Variants in FUCA1 observed in about 807,000 individuals in gnomAD.
The protein encoded by FUCA1 is tissue alpha-L-fucosidase.
A neutral mutation model predicts 56.8 loss-of-function variants in FUCA1; 52 were observed. The observed-to-expected ratio is 0.92, with a 90% CI of 0.73 to 1.15. The LOEUF (loss-of-function observed/expected upper bound fraction) is 1.15, where lower values mean the gene tolerates loss of function less well. FUCA1 is among the 50% of genes most tolerant of loss of function. FUCA1 has a pLI of 0.00. For missense variants in FUCA1, 568 were observed against 592.6 expected, an observed-to-expected ratio of 0.96 and a Z score of 0.43; for synonymous variants, 230 against 226.6, an observed-to-expected ratio of 1.02 and a Z score of -0.14.
At chr1:23,862,063 G>GATCCCCAC (rs1639521127) in intron 3 of FUCA1, among the ~76,000 whole-genome samples, 3 of 152,190 alleles carry the variant, frequency 2.0e-5, no homozygotes, top group Non-Finnish European at 4.4e-5. Flanking sequence ...ATAAAAGAGT[G>GATCCCCAC]GGGATCTAAG....
chr1:23,860,327 T>C (rs1037107794), intron 3 of FUCA1, among the ~76,000 whole-genome samples: 2 of 152,128 alleles, frequency 1.3e-5, no homozygotes, highest in African/African-American at 4.8e-5. Flanking sequence ...CTCACACCTG[T>C]AATCCTAGCA....
chr1:23,855,806 G>A (rs1476576417), intron 4 of FUCA1, among the ~76,000 whole-genome samples: 1 of 152,088 alleles, frequency 6.6e-6, no homozygotes, highest in Non-Finnish European at 1.5e-5. Context: ...GAGAAAAATG[G>A]GGTATTAACA....
chr1:23,856,780 AAG>A (rs1639399606), intron 4 of FUCA1, among the ~76,000 whole-genome samples: 1 of 152,134 alleles, frequency 6.6e-6, no homozygotes, highest in South Asian at 2.1e-4. Flanking sequence ...TCACAAGGTC[AAG>A]AGTTTCAAGA....
intron 4 of FUCA1, among the ~76,000 whole-genome samples, chr1:23,858,997 G>C (rs1432973397): frequency 2.0e-5 from 3 of 151,860 alleles, no homozygotes; most frequent in Non-Finnish European, 4.4e-5. Context: ...GCCCAGGCTG[G>C]TCTTGAACTC....
At chr1:23,851,653 C>T (rs1395469650) in intron 5 of FUCA1, among the ~76,000 whole-genome samples, 2 of 152,204 alleles carry the variant, frequency 1.3e-5, no homozygotes, top group African/African-American at 4.8e-5. Context: ...ATCACTCTTA[C>T]ATAAAAAAGC....
In FUCA1 at chr1:23,852,526, G is replaced by C. The variant is rs907290884; in HGVS notation, c.969+1834C>G. On this transcript the variant is annotated intron_variant, in intron 5 of 7. Transcript: ENST00000374479. ...TTCCACGGTCTCCCACTGATGCCGA[G>C]CCGAAGCTGGACTGTACTGCTGCCA... 2.0e-5 allele frequency among the ~76,000 whole-genome samples: 3 copies of C among 151,306 alleles called. 1 individual carries two copies. Among genetic ancestry groups the C allele is most frequent in the African/African-American group, 4.9e-5 (2 of 41,104 alleles).
chr1:23,854,744 A>G (rs562278674), intron 4 of FUCA1, among the ~76,000 whole-genome samples, 184 bp from the exon 5 acceptor site: 1 of 152,284 alleles, frequency 6.6e-6, no homozygotes, highest in African/African-American at 2.4e-5. Context: ...GATTGTCACA[A>G]CGGGGGTGGT....
Position 23,848,664 on chromosome 1 carries a change from T to C in FUCA1, c.1145A>G (p.Asn382Ser), listed in dbSNP as rs1368675481. 1.9e-6 allele frequency: 3 copies of C among 1,614,084 alleles called. No individual in the cohort carries two copies. Among genetic ancestry groups the C allele is most frequent in the Non-Finnish European group, 2.5e-6 (3 of 1,180,042 alleles). The change falls in exon 6 of 8, where the codon AAC becomes AGC. Residue 382 changes from asparagine (N) to serine (S), a missense_variant. Asn to Ser is a conservative substitution (Grantham distance 46). Transcript: ENST00000374479. ...CAAGACTCACCATACAGATGTTGTG[T>C]TCTTTTCCCATTGCACCCGCCATGG... ...SKPWRVQWEK[N>S]TTSVWYTSKG...
At chr1:23,863,492 C>CATA (rs1416036065) in intron 2 of FUCA1, among the ~76,000 whole-genome samples, 1 of 152,190 alleles carries the variant, frequency 6.6e-6, no homozygotes, top group Non-Finnish European at 1.5e-5. Flanking sequence ...ACCTTTTATA[C>CATA]ATAAATATCT....
chr1:23,854,922 T>C (rs1196512898), intron 4 of FUCA1, among the ~76,000 whole-genome samples: 1 of 152,178 alleles, frequency 6.6e-6, no homozygotes, highest in Non-Finnish European at 1.5e-5. Context: ...TTAAAGATCA[T>C]CTGGTAAATC....
At chr1:23,849,405 C>T (rs925565562) in intron 5 of FUCA1, among the ~76,000 whole-genome samples, 1 of 151,980 alleles carries the variant, frequency 6.6e-6, no homozygotes, top group African/African-American at 2.4e-5. Flanking sequence ...CCATGGAGCA[C>T]TTCCTGTGAC....
Position 23,854,568 on chromosome 1 carries a change from G to T in FUCA1, c.769-8C>A. On this transcript the variant is annotated splice_region_variant and splice_polypyrimidine_tract_variant and intron_variant, in intron 4 of 7. Transcript: ENST00000374479. ...ATTTACTACCACCTCATCCTAAGGA[G>T]GGAAAGAATATTTGGTCATGAGGAG... 1 of 1,609,800 alleles carries T rather than the reference G, an allele frequency of 6.2e-7. No homozygotes were observed. The highest frequency in any genetic ancestry group is 8.5e-7 in the Non-Finnish European group (1 of 1,176,128).
rs554581724 is a variant in FUCA1, at chr1:23,848,272, G to C, written c.1160+377C>G. ...AGCATCATCACTCCATTCTGCAGTG[G>C]AAAAAATGGGGCCCAAGATCAAATA... On this transcript the variant is annotated intron_variant, in intron 6 of 7. Coordinates refer to ENST00000374479, the MANE Select transcript of FUCA1 (RefSeq NM_000147.5). 1.3e-4 allele frequency among the ~76,000 whole-genome samples: 20 copies of C among 152,122 alleles called. No homozygotes were observed. The South Asian group carries it at 3.9e-3, about 30-fold the overall frequency.
At chr1:23,861,363 C>G (rs1352837326) in intron 3 of FUCA1, among the ~76,000 whole-genome samples, 7 of 148,430 alleles carry the variant, frequency 4.7e-5, no homozygotes, top group Non-Finnish European at 1.0e-4. Flanking sequence ...GTGCAGCACA[C>G]CAGCATGGCA....
chr1:23,861,322 CAAAAAAAA>C (rs34240712), intron 3 of FUCA1, among the ~76,000 whole-genome samples: 3 of 60,514 alleles, frequency 5.0e-5, no homozygotes, highest in African/African-American at 1.9e-4. Flanking sequence ...GACTCCGTCT[CAAAAAAAA>C]AAAAAAAAAA....
Position 23,845,283 on chromosome 1 carries a change from G to A in FUCA1, c.*432C>T, listed in dbSNP as rs893364313. 2.6e-5 allele frequency: 7 copies of A among 272,734 alleles called. No homozygotes were observed. Among genetic ancestry groups the A allele is most frequent in the South Asian group, 8.2e-5 (2 of 24,406 alleles). The allele number at this position is 272,734 out of a possible 1,614,324, so 16.9% of individuals were successfully genotyped here. On this transcript the variant is annotated 3_prime_UTR_variant, in exon 8 of 8. Transcript: ENST00000374479. ...TTCCCCCAAAGCTCTCCTGCCCTTT[G>A]CAGAAAGACTGTTGGTGACAACTGA...
chr1:23,847,878 T>C (rs1382440754), intron 6 of FUCA1, among the ~76,000 whole-genome samples: 5 of 152,022 alleles, frequency 3.3e-5, no homozygotes, highest in South Asian at 2.1e-4. Context: ...AAAAATTAGC[T>C]GGGCGTGGTG....
intron 5 of FUCA1, among the ~76,000 whole-genome samples, chr1:23,853,375 C>A (rs1040995392): frequency 1.3e-5 from 2 of 148,178 alleles, no homozygotes; most frequent in Admixed American, 1.3e-4. Context: ...CCAGCCGCCC[C>A]GTCCGGGAGG....
At chr1:23,857,960 G>A (rs923818450) in intron 4 of FUCA1, among the ~76,000 whole-genome samples, 7 of 144,362 alleles carry the variant, frequency 4.8e-5, no homozygotes, top group African/African-American at 1.5e-4. Flanking sequence ...GAGCCACCAC[G>A]CCCGGCCTTA....
Sources: gnomAD v4.1 joint callset for allele counts (sites outside exome capture counted in the v4.1 genomes callset) on GRCh38, gnomAD v4.1.1 for gene constraint, MANE v1.5 for transcripts, NCBI Gene and HGNC (gene_info 2026-07-23, HGNC 2026-07-21) for gene names.